UCHL3: variants seen among roughly 807,000 people sequenced by gnomAD.
UCHL3 encodes ubiquitin carboxyl-terminal hydrolase isozyme L3.
UCHL3 carries 22 observed loss-of-function variants against 35.8 expected under a neutral mutation model. That is an observed-to-expected ratio of 0.61 (90% CI 0.44 to 0.88). The LOEUF is 0.88. Among genes scored for constraint, UCHL3 ranks in the 40% least tolerant of loss-of-function variants. The pLI, the probability that UCHL3 is intolerant of heterozygous loss-of-function variation, is 0.00. For missense variants in UCHL3, 229 were observed against 276.9 expected, an observed-to-expected ratio of 0.83 and a Z score of 1.23; for synonymous variants, 90 against 92.8, an observed-to-expected ratio of 0.97 and a Z score of 0.17.
At position 75,566,696 on chromosome 13, in the gene UCHL3, A is replaced by G. The variant is rs1370568424; in HGVS notation, c.185A>G (p.Tyr62Cys). The change falls in exon 4 of 9, where the codon TAT becomes TGT. Residue 62 changes from tyrosine (Y) to cysteine (C), a missense_variant and splice_region_variant. Coordinates refer to ENST00000377595, the MANE Select transcript of UCHL3 (RefSeq NM_006002.5). The stretch of plus-strand genomic sequence containing the variant: ...CTGTTGACTTTTTTTTTTTAATAGT[A>G]TGAAGTATTCAGAACAGAAGAGGAA... ...VLLLFPITEK[Y>C]EVFRTEEEEK... The G allele has an allele frequency of 6.6e-7, 1 of 1,510,792 alleles. No individual in the cohort carries two copies. Among genetic ancestry groups the G allele is most frequent in the East Asian group, 2.4e-5 (1 of 41,598 alleles). The allele number at this position is 1,510,792 out of a possible 1,614,324, so 93.6% of individuals were successfully genotyped here.
chr13:75,557,065 T>A (rs902362516), intron 2 of UCHL3, among the ~76,000 whole-genome samples: 4 of 151,930 alleles, frequency 2.6e-5, no homozygotes, highest in Non-Finnish European at 4.4e-5. Context: ...AATAAAAAAA[T>A]TTAGCTGGCT....
In UCHL3 at chr13:75,549,863, G is replaced by C. The variant is rs746001399; in HGVS notation, c.42+1G>C. 6.2e-7 allele frequency: 1 copy of C among 1,609,212 alleles called. No individual in the cohort carries two copies. Among genetic ancestry groups the C allele is most frequent in the Non-Finnish European group, 8.5e-7 (1 of 1,177,574 alleles). ...GCTGCCGCTGGAGGCCAATCCCGAG[G>C]TGGGCGCGCTTCGGGGCAGCCCTGG... On this transcript the variant is annotated splice_donor_variant, in intron 1 of 8. Transcript: ENST00000377595. LOFTEE classifies it high-confidence loss of function.
chr13:75,571,658 A>G (rs867731116), intron 6 of UCHL3, among the ~76,000 whole-genome samples: 1 of 152,148 alleles, frequency 6.6e-6, no homozygotes, highest in Non-Finnish European at 1.5e-5. Flanking sequence ...ATGTACCTGA[A>G]TCAGTTGGCT....
At chr13:75,562,071 AT>A (rs1387145631) in intron 3 of UCHL3, among the ~76,000 whole-genome samples, 1 of 152,040 alleles carries the variant, frequency 6.6e-6, no homozygotes, top group East Asian at 1.9e-4. Flanking sequence ...TATGTTGATG[AT>A]TTGTCATATT....
intron 3 of UCHL3, among the ~76,000 whole-genome samples, chr13:75,561,818 C>T (rs1485438156): frequency 3.2e-5 from 1 of 31,474 alleles, no homozygotes; most frequent in Non-Finnish European, 1.4e-4. Flanking sequence ...CATACGTATA[C>T]GTATATACGT....
At chr13:75,585,807 C>T (rs994361825) in intron 6 of UCHL3, among the ~76,000 whole-genome samples, 12 of 151,916 alleles carry the variant, frequency 7.9e-5, no homozygotes, top group Admixed American at 2.6e-4. Flanking sequence ...TGGTGTAATA[C>T]TGTTTGAAGG....
upstream of UCHL3, chr13:75,549,776 G>GCGA (rs2031003530): frequency 9.4e-7 from 1 of 1,060,744 alleles, no homozygotes; most frequent in Admixed American, 6.2e-5. Context: ...GGCGGCGGCG[G>GCGA]CGAAGGCGGC....
chr13:75,555,328 T>G (rs2031256075), intron 2 of UCHL3, among the ~76,000 whole-genome samples: 1 of 152,236 alleles, frequency 6.6e-6, no homozygotes, highest in South Asian at 2.1e-4. Flanking sequence ...TCACAGTACT[T>G]CCCACTTTGT....
chr13:75,553,758 C>T (rs2138448869), intron 2 of UCHL3, among the ~76,000 whole-genome samples: 1 of 152,298 alleles, frequency 6.6e-6, no homozygotes, highest in East Asian at 1.9e-4. Context: ...TTTGGTATCT[C>T]CATCTGGATG....
At chr13:75,558,025 TC>T (rs1393848624) in intron 2 of UCHL3, among the ~76,000 whole-genome samples, 2 of 151,832 alleles carry the variant, frequency 1.3e-5, no homozygotes, top group Non-Finnish European at 2.9e-5. Flanking sequence ...TTTCTCCATT[TC>T]CCAGAGGTAG....
intron 6 of UCHL3, 71 bp downstream of exon 6, chr13:75,569,578 C>T: frequency 7.2e-7 from 1 of 1,391,342 alleles, no homozygotes; most frequent in South Asian, 1.3e-5. Flanking sequence ...GTAAATTTAA[C>T]CATAGTATTA....
At chr13:75,554,129 A>G (rs2031209836) in intron 2 of UCHL3, among the ~76,000 whole-genome samples, 1 of 152,128 alleles carries the variant, frequency 6.6e-6, no homozygotes, top group African/African-American at 2.4e-5. Flanking sequence ...TGGCACAATC[A>G]TAGCTCACTG....
chr13:75,572,044 CTTCCTTCCTTTCT>C (rs1289552813), intron 6 of UCHL3, among the ~76,000 whole-genome samples: 6 of 114,624 alleles, frequency 5.2e-5, no homozygotes, highest in Non-Finnish European at 8.6e-5. Context: ...TCCTTCCTTC[CTTCCTTCCTTTCT>C]TTCCTTCCTT....
intron 2 of UCHL3, among the ~76,000 whole-genome samples, chr13:75,552,699 A>G (rs1414706304): frequency 2.6e-5 from 4 of 152,184 alleles, no homozygotes. Context: ...TTTAAACTCT[A>G]CTTTATTTAC....
intron 6 of UCHL3, among the ~76,000 whole-genome samples, chr13:75,585,864 G>T (rs1014376306): frequency 6.6e-6 from 1 of 151,850 alleles, no homozygotes; most frequent in Non-Finnish European, 1.5e-5. Flanking sequence ...GGCAATTACT[G>T]AAAAGCTTAA....
At chr13:75,575,330 A>T (rs1273727884) in intron 6 of UCHL3, among the ~76,000 whole-genome samples, 2 of 152,256 alleles carry the variant, frequency 1.3e-5, no homozygotes, top group Non-Finnish European at 2.9e-5. Flanking sequence ...ACTGAAAGGT[A>T]TTGCTTTCAT....
At chr13:75,550,914 C>T (rs1328845049) in intron 2 of UCHL3, among the ~76,000 whole-genome samples, 1 of 152,180 alleles carries the variant, frequency 6.6e-6, no homozygotes, top group African/African-American at 2.4e-5. Context: ...CTGTCTTGCT[C>T]TCTATCTTAG....
chr13:75,579,924 G>A (rs370897793), intron 6 of UCHL3, among the ~76,000 whole-genome samples: 1 of 152,124 alleles, frequency 6.6e-6, no homozygotes, highest in African/African-American at 2.4e-5. Context: ...AGTTTGAGAA[G>A]TTTAACAATG....
chr13:75,583,832 A>G (rs2032251438), intron 6 of UCHL3, among the ~76,000 whole-genome samples: 1 of 152,252 alleles, frequency 6.6e-6, no homozygotes, highest in Admixed American at 6.5e-5. Flanking sequence ...ATAGCTAAAA[A>G]TTTTAACAAA....
Sources: gnomAD v4.1 joint callset for allele counts (sites outside exome capture counted in the v4.1 genomes callset) on GRCh38, gnomAD v4.1.1 for gene constraint, MANE v1.5 for transcripts, NCBI Gene and HGNC (gene_info 2026-07-23, HGNC 2026-07-21) for gene names.